Variants in ST8SIA6 observed in about 807,000 individuals in gnomAD.
ST8SIA6 encodes the protein ST8 alpha-N-acetyl-neuraminide alpha-2,8-sialyltransferase 6, also known as alpha-2,8-sialyltransferase 8F.
Under a neutral mutation model 33.6 loss-of-function variants are expected in ST8SIA6, and 39 were observed. The ratio of observed to expected loss-of-function variants is 1.16; its 90% confidence interval spans 0.90 to 1.52. The LOEUF is 1.52. ST8SIA6 is among the 40% of genes most tolerant of loss of function. The pLI is 0.00. For synonymous variants in ST8SIA6, 172 were observed against 167.2 expected, an observed-to-expected ratio of 1.03 and a Z score of -0.22; for missense variants, 441 against 443.8, an observed-to-expected ratio of 0.99 and a Z score of 0.06.
At chr10:17,416,115 T>G (rs761328343) in intron 2 of ST8SIA6, among the ~76,000 whole-genome samples, 1 of 152,056 alleles carries the variant, frequency 6.6e-6, no homozygotes, top group Non-Finnish European at 1.5e-5. Flanking sequence ...GCCGCACTTA[T>G]CTTACTTGAT....
intron 3 of ST8SIA6, among the ~76,000 whole-genome samples, chr10:17,373,947 T>C (rs1025627683): frequency 9.9e-5 from 15 of 152,242 alleles, no homozygotes; most frequent in Admixed American, 5.9e-4. Context: ...CAAATACTTA[T>C]AATAAAATAA....
chr10:17,331,589 A>G, intron 4 of ST8SIA6, 37 bp from the exon 5 acceptor site: 3 of 1,572,812 alleles, frequency 1.9e-6, no homozygotes, highest in Non-Finnish European at 2.6e-6. Flanking sequence ...GCCAAAGTAT[A>G]AGATTAAGAA....
chr10:17,333,951 G>T (rs111948046), intron 4 of ST8SIA6, among the ~76,000 whole-genome samples: 17,526 of 148,504 alleles, frequency 0.12, 1,144 homozygotes, highest in South Asian at 0.16. Flanking sequence ...TGAACTCCTG[G>T]CCTCAAGTGA....
intron 2 of ST8SIA6, among the ~76,000 whole-genome samples, 171 bp downstream of exon 2, chr10:17,453,388 A>G (rs1001708368): frequency 6.6e-6 from 1 of 151,444 alleles, no homozygotes; most frequent in Non-Finnish European, 1.5e-5. Context: ...AGGGAGTGTG[A>G]AGGGTGCCCC....
intron 2 of ST8SIA6, among the ~76,000 whole-genome samples, chr10:17,437,945 G>A (rs767531521): frequency 5.3e-5 from 8 of 151,754 alleles, no homozygotes; most frequent in Non-Finnish European, 1.2e-4. Context: ...TGGCCAGGCC[G>A]ATCTCGAACT....
chr10:17,338,057 G>A lies in ST8SIA6; in HGVS notation c.378-6505C>T, dbSNP rs1375011064. On this transcript the variant is annotated intron_variant, in intron 4 of 7. Coordinates refer to ENST00000377602, the MANE Select transcript of ST8SIA6 (RefSeq NM_001004470.3). Reference sequence around the variant, plus strand: ...TTTTTTTTTTTTTTTTTTTTGAGACGGAGTTTCACTCTTCCCTCCCAGGCT... The same window carrying A: ...TTTTTTTTTTTTTTTTTTTTGAGACAGAGTTTCACTCTTCCCTCCCAGGCT... 1.1e-4 allele frequency among the ~76,000 whole-genome samples: 14 copies of A among 128,480 alleles called. No homozygotes were observed. The East Asian group carries it at 2.8e-3, about 26-fold the overall frequency. The allele number at this position is 128,480 out of a possible 152,430, so 84.3% of individuals were successfully genotyped here.
At chr10:17,403,979 C>T (rs372229496) in intron 2 of ST8SIA6, among the ~76,000 whole-genome samples, 2 of 149,724 alleles carry the variant, frequency 1.3e-5, no homozygotes, top group South Asian at 2.1e-4. Flanking sequence ...GTGGGAGAAT[C>T]GCTTGAACCC....
chr10:17,332,101 T>A (rs538218902), intron 4 of ST8SIA6, among the ~76,000 whole-genome samples: 1 of 152,242 alleles, frequency 6.6e-6, no homozygotes, highest in East Asian at 1.9e-4. Context: ...GCTTCATCCA[T>A]GTCCCTGCAA....
At chr10:17,351,020 G>A (rs917603487) in intron 4 of ST8SIA6, among the ~76,000 whole-genome samples, 6 of 152,024 alleles carry the variant, frequency 3.9e-5, no homozygotes, top group South Asian at 2.1e-4. Flanking sequence ...AGAATATTAC[G>A]AGACCTCAAT....
intron 3 of ST8SIA6, among the ~76,000 whole-genome samples, chr10:17,366,270 G>A (rs1470289605): frequency 1.3e-5 from 2 of 152,120 alleles, no homozygotes; most frequent in Non-Finnish European, 2.9e-5. Flanking sequence ...GGGAAAAAGG[G>A]ATCTGCAACT....
intron 2 of ST8SIA6, among the ~76,000 whole-genome samples, chr10:17,395,418 G>C (rs1288313128): frequency 6.6e-6 from 1 of 152,092 alleles, no homozygotes; most frequent in African/African-American, 2.4e-5. Flanking sequence ...CTGAGCAGTT[G>C]AGTCTAGGGA....
At chr10:17,413,944 C>T (rs761036882) in intron 2 of ST8SIA6, among the ~76,000 whole-genome samples, 17 of 152,152 alleles carry the variant, frequency 1.1e-4, no homozygotes, top group Non-Finnish European at 2.2e-4. Context: ...AATGTCAATA[C>T]ATTCTATTTA....
At chr10:17,393,067 A>G (rs1323122132) in intron 2 of ST8SIA6, among the ~76,000 whole-genome samples, 1 of 152,198 alleles carries the variant, frequency 6.6e-6, no homozygotes, top group Non-Finnish European at 1.5e-5. Context: ...AGAACAAAAA[A>G]GTGGAGGAAG....
At chr10:17,452,391 A>G (rs1403861822) in intron 2 of ST8SIA6, among the ~76,000 whole-genome samples, 8 of 152,218 alleles carry the variant, frequency 5.3e-5, no homozygotes, top group African/African-American at 1.9e-4. Flanking sequence ...CATACGCAGA[A>G]GAAAAGGGAT....
At chr10:17,343,980 T>C (rs1848756491) in intron 4 of ST8SIA6, among the ~76,000 whole-genome samples, 1 of 152,338 alleles carries the variant, frequency 6.6e-6, no homozygotes, top group East Asian at 1.9e-4. Flanking sequence ...GCTATTATCA[T>C]CCCTGTTGTT....
At position 17,315,595 on chromosome 10, in the gene ST8SIA6, A is replaced by G. The variant is rs1175881490; in HGVS notation, c.*5283T>C. Among the ~76,000 whole-genome samples the G allele has an allele frequency of 6.6e-6, 1 of 152,060 alleles. No homozygotes were observed. The highest frequency in any genetic ancestry group is 2.4e-5 in the African/African-American group (1 of 41,458). On this transcript the variant is annotated 3_prime_UTR_variant, in exon 8 of 8. Coordinates refer to ENST00000377602, the MANE Select transcript of ST8SIA6 (RefSeq NM_001004470.3). ...AACATGAATGAGTTTTAATATTATTATGTCGAGCAAAAGTGCAAGACAAGA... is the reference window on the plus strand; with the variant it reads ...AACATGAATGAGTTTTAATATTATTGTGTCGAGCAAAAGTGCAAGACAAGA...
chr10:17,443,583 A>G (rs1852583743), intron 2 of ST8SIA6, among the ~76,000 whole-genome samples: 1 of 152,252 alleles, frequency 6.6e-6, no homozygotes, highest in African/African-American at 2.4e-5. Context: ...AATTATGCCC[A>G]TGGATATGAA....
intron 2 of ST8SIA6, among the ~76,000 whole-genome samples, chr10:17,451,004 C>T (rs981385094): frequency 3.3e-5 from 5 of 152,188 alleles, no homozygotes; most frequent in Non-Finnish European, 7.3e-5. Context: ...TCACTCCAGG[C>T]TCCACAATGT....
intron 4 of ST8SIA6, among the ~76,000 whole-genome samples, chr10:17,356,758 G>A (rs1345644328): frequency 6.8e-6 from 1 of 146,054 alleles, no homozygotes; most frequent in African/African-American, 2.6e-5. Flanking sequence ...GGTTACTGAT[G>A]CATTTTTTTT....
Sources: gnomAD v4.1 joint callset for allele counts (sites outside exome capture counted in the v4.1 genomes callset) on GRCh38, gnomAD v4.1.1 for gene constraint, MANE v1.5 for transcripts, NCBI Gene and HGNC (gene_info 2026-07-23, HGNC 2026-07-21) for gene names.